Variants in TOX2 observed in about 807,000 individuals in gnomAD.
TOX2 encodes granulosa cell HMG box 1.
A neutral mutation model predicts 47.4 loss-of-function variants in TOX2; 15 were observed. The observed-to-expected ratio is 0.32, with a 90% confidence interval of 0.21 to 0.49. The LOEUF (loss-of-function observed/expected upper bound fraction) is 0.49. Among genes scored for constraint, TOX2 ranks in the 20% least tolerant of loss-of-function variants. TOX2 has a pLI of 0.99. For synonymous variants in TOX2, 290 were observed against 296.6 expected (o/e 0.98, Z 0.23); for missense variants, 622 against 673.1 (o/e 0.92, Z 0.84).
chr20:44,014,420 G>A (rs2070839401), intron 3 of TOX2, among the ~76,000 whole-genome samples: 1 of 152,212 alleles, frequency 6.6e-6, no homozygotes, highest in African/African-American at 2.4e-5. Context: ...GCAAGAATGT[G>A]TAGCTAACTT....
intron 3 of TOX2, among the ~76,000 whole-genome samples, chr20:44,048,669 G>A (rs189775856): frequency 1.8e-4 from 28 of 151,528 alleles, no homozygotes; most frequent in Non-Finnish European, 2.9e-4. Context: ...TAAGAGATTT[G>A]TAATAAAATA....
At chr20:44,011,721 C>A (rs2070780727) in intron 3 of TOX2, among the ~76,000 whole-genome samples, 1 of 152,224 alleles carries the variant, frequency 6.6e-6, no homozygotes, top group African/African-American at 2.4e-5. Flanking sequence ...GATCGAGATA[C>A]ACTGAGGATG....
At chr20:44,051,800 C>G (rs1289315939) in intron 4 of TOX2, among the ~76,000 whole-genome samples, 1 of 152,208 alleles carries the variant, frequency 6.6e-6, no homozygotes, top group Non-Finnish European at 1.5e-5. Context: ...GCAGGTGGAG[C>G]ACCTGGTCAG....
intron 2 of TOX2, among the ~76,000 whole-genome samples, chr20:43,975,740 A>G (rs868075568): frequency 6.6e-6 from 1 of 152,220 alleles, no homozygotes; most frequent in African/African-American, 2.4e-5. Context: ...GTGGTCATCT[A>G]CTTACCTTGT....
chr20:43,965,236 A>G (rs1180118836), intron 1 of TOX2, among the ~76,000 whole-genome samples: 1 of 152,088 alleles, frequency 6.6e-6, no homozygotes, highest in Non-Finnish European at 1.5e-5. Flanking sequence ...TGATTGACTG[A>G]CTTTCAGAGG....
intron 3 of TOX2, among the ~76,000 whole-genome samples, chr20:44,033,012 C>A (rs780072657): frequency 6.6e-6 from 1 of 152,122 alleles, no homozygotes; most frequent in Non-Finnish European, 1.5e-5. Flanking sequence ...TTATTATAGT[C>A]GTTTGTTTCA....
At chr20:43,967,213 T>C (rs2069871532) in intron 1 of TOX2, among the ~76,000 whole-genome samples, 1 of 152,090 alleles carries the variant, frequency 6.6e-6, no homozygotes, top group Non-Finnish European at 1.5e-5. Flanking sequence ...AGCAAGTCCA[T>C]GTACATGTTA....
chr20:43,956,216 T>C (rs2069665931), intron 1 of TOX2, among the ~76,000 whole-genome samples: 1 of 152,172 alleles, frequency 6.6e-6, no homozygotes, highest in Non-Finnish European at 1.5e-5. Flanking sequence ...ACCCATATTC[T>C]GATTCCTGGT....
chr20:43,923,342 A>G (rs1001895978), intron 1 of TOX2, among the ~76,000 whole-genome samples: 4 of 152,134 alleles, frequency 2.6e-5, no homozygotes, highest in Non-Finnish European at 4.4e-5. Flanking sequence ...GGAAAGTCTA[A>G]TGACTTGCAT....
rs1411537036 is a variant in TOX2, at chr20:44,051,296, C to A, written c.412-10C>A. The stretch of plus-strand genomic sequence containing the variant: ...CTTCCTAACTCAACCCTCCTGTCCT[C>A]CTCTCTTAGATCCAGGAGATGGTCC... On this transcript the variant is annotated splice_polypyrimidine_tract_variant and intron_variant, in intron 3 of 8. Coordinates refer to ENST00000341197, the MANE Select transcript of TOX2 (RefSeq NM_001098797.2). The A allele has an allele frequency of 1.3e-6, 2 of 1,596,688 alleles. No individual in the cohort carries two copies. Among genetic ancestry groups the A allele is most frequent in the East Asian group, 4.5e-5 (2 of 44,506 alleles).
At chr20:43,992,661 A>G (rs1168831996) in intron 2 of TOX2, among the ~76,000 whole-genome samples, 1 of 152,218 alleles carries the variant, frequency 6.6e-6, no homozygotes, top group Non-Finnish European at 1.5e-5. Flanking sequence ...GAAATCATAC[A>G]TTAATACATT....
intron 1 of TOX2, among the ~76,000 whole-genome samples, chr20:43,938,963 C>T (rs765231542): frequency 3.9e-5 from 6 of 152,152 alleles, no homozygotes; most frequent in South Asian, 2.1e-4. Flanking sequence ...CAGGTGCCCT[C>T]GCTTCTAGAA....
At chr20:43,990,006 A>G (rs1420482028) in intron 2 of TOX2, among the ~76,000 whole-genome samples, 7 of 152,116 alleles carry the variant, frequency 4.6e-5, no homozygotes, top group African/African-American at 1.7e-4. Context: ...CCCTGAACTG[A>G]ACCATTGAGT....
chr20:43,954,714 C>T (rs572199333), intron 1 of TOX2, among the ~76,000 whole-genome samples: 1 of 152,252 alleles, frequency 6.6e-6, no homozygotes, highest in South Asian at 2.1e-4. Context: ...TGGCCTTGAC[C>T]CACTCCCTGT....
chr20:43,994,878 G>A (rs118157909), intron 2 of TOX2, among the ~76,000 whole-genome samples: 3,349 of 152,188 alleles, frequency 0.022, 58 homozygotes, highest in Middle Eastern at 0.031. Context: ...CAAGCATTTC[G>A]GGGTCAGGAA....
chr20:44,041,318 G>A (rs1276266112), intron 3 of TOX2, among the ~76,000 whole-genome samples: 1 of 152,244 alleles, frequency 6.6e-6, no homozygotes, highest in Admixed American at 6.5e-5. Flanking sequence ...CCAGCACACA[G>A]GGGAATGGGT....
chr20:43,977,865 T>C (rs1403793407), intron 2 of TOX2, among the ~76,000 whole-genome samples: 1 of 152,192 alleles, frequency 6.6e-6, no homozygotes, highest in African/African-American at 2.4e-5. Flanking sequence ...GGATATTTCC[T>C]GATGATGTGA....
At chr20:43,948,814 C>T (rs2069511963) in intron 1 of TOX2, among the ~76,000 whole-genome samples, 2 of 152,306 alleles carry the variant, frequency 1.3e-5, no homozygotes, top group South Asian at 2.1e-4. Flanking sequence ...AGCCATTTTC[C>T]AGGGAGGGCC....
At chr20:43,959,076 G>T (rs2069715307) in intron 1 of TOX2, among the ~76,000 whole-genome samples, 1 of 152,238 alleles carries the variant, frequency 6.6e-6, no homozygotes, top group African/African-American at 2.4e-5. Flanking sequence ...CAATAGTCAA[G>T]AACAGAGGGG....
Sources: allele counts gnomAD v4.1 joint callset (sites outside exome capture counted in the v4.1 genomes callset), GRCh38; gene constraint gnomAD v4.1.1; transcripts MANE v1.5; gene names NCBI Gene and HGNC (gene_info 2026-07-23, HGNC 2026-07-21).